CSPP1: variants seen among roughly 807,000 people sequenced by gnomAD.
CSPP1 encodes centrosome and spindle pole-associated protein 1.
CSPP1 carries 126 observed loss-of-function variants against 164.4 expected under a neutral mutation model. That is an observed-to-expected ratio of 0.77 (90% confidence interval 0.66 to 0.89). The LOEUF (loss-of-function observed/expected upper bound fraction) is 0.89, where lower values mean the gene tolerates loss of function less well. Among genes scored for constraint, CSPP1 ranks in the 40% least tolerant of loss-of-function variants. CSPP1 has a pLI of 0.00. For synonymous variants in CSPP1, 472 were observed against 476.7 expected (o/e 0.99, Z 0.13); for missense variants, 1,395 against 1,449.8 (o/e 0.96, Z 0.61).
chr8:67,183,043 T>C (rs1327592934), intron 28 of CSPP1, among the ~76,000 whole-genome samples: 1 of 152,250 alleles, frequency 6.6e-6, no homozygotes, highest in African/African-American at 2.4e-5. Context: ...TAAGACATCG[T>C]TGCCAAATCC....
Position 67,116,017 on chromosome 8 carries a change from C to G in CSPP1, c.1391C>G (p.Ser464Cys), listed in dbSNP as rs146431326. 8,980 of 1,613,914 alleles carry G rather than the reference C, an allele frequency of 5.6e-3. 30 individuals are homozygous for G. Among genetic ancestry groups the G allele is most frequent in the Non-Finnish European group, 6.8e-3 (8,007 of 1,179,822 alleles). ...IAFQTPLPPL[S>C]APSVPPIPSV... The stretch of plus-strand genomic sequence containing the variant: ...TTCCAGACACCTCTCCCTCCTTTAT[C>G]TGCCCCATCTGTCCCACCCATCCCA... Residue 464 changes from serine to cysteine, a missense_variant, in exon 13 of 31, where the codon TCT becomes TGT. Ser to Cys is a moderately radical substitution (Grantham distance 112, BLOSUM62 -1). Coordinates refer to ENST00000678616, the MANE Select transcript of CSPP1 (RefSeq NM_001382391.1).
At position 67,086,890 on chromosome 8, in the gene CSPP1, T is replaced by C. The variant is rs1337646300; in HGVS notation, c.303+780T>C. On this transcript the variant is annotated intron_variant, in intron 4 of 30. Transcript: ENST00000678616. ...CGTCCTCCTTCAGTTTTTTCTTTCT[T>C]TTTTTTTTTTTTTACGATCTAGAAG... 37 of 593,350 alleles carry C rather than the reference T, an allele frequency of 6.2e-5. No homozygotes were observed. In the South Asian group the frequency reaches 1.3e-3, roughly 21 times the overall value. 36.8% of individuals were successfully genotyped at this position (593,350 alleles called of 1,614,324 possible). A position where few individuals can be genotyped will look rare whatever the true frequency, so the allele number is the denominator to read the frequency against.
At chr8:67,141,909 A>G (rs1408753544) in intron 17 of CSPP1, among the ~76,000 whole-genome samples, 2 of 152,214 alleles carry the variant, frequency 1.3e-5, no homozygotes, top group Non-Finnish European at 2.9e-5. Flanking sequence ...TCTGTTCATT[A>G]TCTTGGCTAA....
In CSPP1 at chr8:67,196,502, T is replaced by G. The variant is rs1837965127; in HGVS notation, c.*909T>G. Among the ~76,000 whole-genome samples the G allele has an allele frequency of 6.6e-6, 1 of 152,238 alleles. No individual in the cohort carries two copies. The highest frequency in any genetic ancestry group is 1.5e-5 in the Non-Finnish European group (1 of 68,040). On this transcript the variant is annotated 3_prime_UTR_variant, in exon 31 of 31. Transcript: ENST00000678616. ...ATTAGAATCTCAGAACCATGACAGCTGAGAACATCCCCAGGCACTGCTTCT... is the reference window on the plus strand; with the variant it reads ...ATTAGAATCTCAGAACCATGACAGCGGAGAACATCCCCAGGCACTGCTTCT...
rs555175569 is a variant in CSPP1, at chr8:67,103,707, G to C, written c.1022+572G>C. Among the ~76,000 whole-genome samples, 5 of 151,672 alleles carry C rather than the reference G, an allele frequency of 3.3e-5. No homozygotes were observed. In the East Asian group the frequency reaches 7.7e-4, roughly 23 times the overall value. Reference sequence around the variant, plus strand: ...AGGCGTGGCAATCCCTGTAATCCCTGGTAATCCCTGTAATCCCAGCTACTC... The same window carrying C: ...AGGCGTGGCAATCCCTGTAATCCCTCGTAATCCCTGTAATCCCAGCTACTC... On this transcript the variant is annotated intron_variant, in intron 8 of 30. Coordinates refer to ENST00000678616, the MANE Select transcript of CSPP1 (RefSeq NM_001382391.1).
Position 67,112,059 on chromosome 8 carries a change from A to G in CSPP1, c.1181A>G (p.Lys394Arg). 1 of 1,607,400 alleles carries G rather than the reference A, an allele frequency of 6.2e-7. No homozygotes were observed. The highest frequency in any genetic ancestry group is 8.5e-7 in the Non-Finnish European group (1 of 1,175,154). ...LEQMAEQQRN[K>R]RREKDLELRV... is the part of the protein sequence containing the mutation. The stretch of plus-strand genomic sequence containing the variant: ...CAAATGGCTGAGCAACAGAGGAACA[A>G]GAGACGGTAATGAAAGGTTTGCATT... Residue 394 changes from lysine to arginine, a missense_variant, in exon 10 of 31, where the codon AAG becomes AGG. Transcript: ENST00000678616.
In CSPP1 at chr8:67,095,386, A is replaced by G; in HGVS notation, c.577A>G (p.Arg193Gly). The change falls in exon 7 of 31, where the codon AGA (arginine) becomes GGA (glycine). Residue 193 changes from arginine to glycine, a missense_variant. Arg to Gly is a moderately radical substitution (Grantham distance 125, BLOSUM62 -2). Transcript: ENST00000678616. ...ATCTTGTGAAAATTCAGAGGGTCCT[A>G]GAAAAGATGTCTTAACTCCTTCAGA... is the stretch of plus-strand genomic sequence containing the variant. The part of the protein sequence containing the change: ...QTSCENSEGP[R>G]KDVLTPSEAY... The G allele has an allele frequency of 6.2e-7, 1 of 1,612,892 alleles. No homozygotes were observed. Among genetic ancestry groups the G allele is most frequent in the Non-Finnish European group, 8.5e-7 (1 of 1,179,508 alleles).
chr8:67,123,292 TTG>T (rs1476290180), intron 15 of CSPP1: 2 of 152,216 alleles, frequency 1.3e-5, no homozygotes, highest in African/African-American at 4.8e-5. Flanking sequence ...ATGTTTATAA[TTG>T]TGTCTTACTG....
At chr8:67,191,765 A>G (rs1430916670) in intron 29 of CSPP1, among the ~76,000 whole-genome samples, 1 of 152,214 alleles carries the variant, frequency 6.6e-6, no homozygotes, top group African/African-American at 2.4e-5. Flanking sequence ...TCGAATATAT[A>G]TACCTAGAAG....
rs538501657 is a variant in CSPP1 at position 67,184,513 on chromosome 8, G to A, written c.3220+4587G>A. ...AGTACTTTGGGAGGCTGAGGTGGGC[G>A]GATCACCTGAAGTCAGGAGTTCAAG... On this transcript the variant is annotated intron_variant, in intron 28 of 30. Transcript: ENST00000678616. Among the ~76,000 whole-genome samples the A allele has an allele frequency of 4.6e-5, 7 of 151,858 alleles. No homozygotes were observed. The South Asian group carries it at 6.2e-4, about 14-fold the overall frequency.
intron 19 of CSPP1, among the ~76,000 whole-genome samples, chr8:67,154,891 A>G (rs960184561): frequency 1.3e-5 from 2 of 152,242 alleles, no homozygotes; most frequent in Non-Finnish European, 2.9e-5. Context: ...GCATCTTTCT[A>G]GATATTTGTA....
At position 67,137,568 on chromosome 8, in the gene CSPP1, G is replaced by A; in HGVS notation, c.1940G>A (p.Gly647Asp). The change falls in exon 17 of 31, where the codon GGT becomes GAT. Residue 647 changes from glycine to aspartate, a missense_variant. Coordinates refer to ENST00000678616, the MANE Select transcript of CSPP1 (RefSeq NM_001382391.1). ...AATCCCTGGGGAAAAGGTGGAGGTG[G>A]TGCTCCTCTCAGGGATGCAAAAGGA... Reference protein sequence around the residue: ...TYNPWGKGGGGAPLRDAKGNL... With the variant: ...TYNPWGKGGGDAPLRDAKGNL... 1 of 1,592,446 alleles carries A rather than the reference G, an allele frequency of 6.3e-7. No homozygotes were observed.
At chr8:67,068,119 G>A (rs1172201670) in intron 1 of CSPP1, among the ~76,000 whole-genome samples, 1 of 152,180 alleles carries the variant, frequency 6.6e-6, no homozygotes, top group Non-Finnish European at 1.5e-5. Context: ...ACAGTGCTGG[G>A]ATTACAGGCA....
intron 28 of CSPP1, among the ~76,000 whole-genome samples, chr8:67,180,780 CTT>C (rs1832811055): frequency 6.6e-6 from 1 of 151,848 alleles, no homozygotes; most frequent in South Asian, 2.1e-4. Flanking sequence ...TTATAGTTCT[CTT>C]AATATTTCAG....
chr8:67,154,383 T>G (rs1354046046), intron 19 of CSPP1, among the ~76,000 whole-genome samples: 2 of 152,272 alleles, frequency 1.3e-5, no homozygotes, highest in East Asian at 3.9e-4. Flanking sequence ...TTTATTTTTT[T>G]GAGACGGAGT....
chr8:67,186,959 A>AATCT (rs1347959989), intron 28 of CSPP1, among the ~76,000 whole-genome samples: 2 of 148,282 alleles, frequency 1.3e-5, no homozygotes, highest in East Asian at 4.0e-4. Flanking sequence ...CTGAGGTATA[A>AATCT]ATCTATCTAT....
rs770066826 is a variant in CSPP1, at chr8:67,172,474, C to T, written c.2887C>T (p.Pro963Ser). The T allele has an allele frequency of 2.4e-5, 38 of 1,613,278 alleles. No individual in the cohort carries two copies. Among genetic ancestry groups the T allele is most frequent in the Non-Finnish European group, 3.2e-5 (38 of 1,179,270 alleles). ...TATGGCTAGACATCGGTTGCAAGCT[C>T]CTGTCAGAAGACAGTCCCCTAAGGG... ...FDMARHRLQA[P>S]VRRQSPKGLD... is the part of the protein sequence containing the mutation. The change falls in exon 25 of 31, where the codon CCT (proline) becomes TCT (serine). Residue 963 changes from proline (P) to serine (S), a missense_variant. Pro to Ser is a moderately conservative substitution (Grantham distance 74, BLOSUM62 -1). Coordinates refer to ENST00000678616, the MANE Select transcript of CSPP1 (RefSeq NM_001382391.1).
Position 67,177,720 on chromosome 8 carries a change from AAGAAT to A in CSPP1, c.3151_3155del (p.Arg1051AlafsTer4). ...TCCCAAGTGCTAAAGTACGAGAGCA[AAGAAT>A]GGTAAGCAACCAGTTACAATTTTTC... is the stretch of plus-strand genomic sequence containing the variant. On this transcript the variant is annotated frameshift_variant and splice_region_variant, in exon 27 of 31. Coordinates refer to ENST00000678616, the MANE Select transcript of CSPP1 (RefSeq NM_001382391.1). LOFTEE classifies it high-confidence loss of function. The A allele has an allele frequency of 6.2e-7, 1 of 1,610,364 alleles. No homozygotes were observed. Among genetic ancestry groups the A allele is most frequent in the Non-Finnish European group, 8.5e-7 (1 of 1,176,928 alleles).
chr8:67,141,597 C>T (rs1334177334), intron 17 of CSPP1, among the ~76,000 whole-genome samples: 1 of 152,224 alleles, frequency 6.6e-6, no homozygotes, highest in Admixed American at 6.5e-5. Flanking sequence ...TCTCAGTTCA[C>T]TGCAACCTCT....
Sources: gnomAD v4.1 joint callset for allele counts (sites outside exome capture counted in the v4.1 genomes callset) on GRCh38, gnomAD v4.1.1 for gene constraint, MANE v1.5 for transcripts, NCBI Gene and HGNC (gene_info 2026-07-23, HGNC 2026-07-21) for gene names.